Variants in CTNNA3 observed in about 807,000 individuals in gnomAD.
CTNNA3 encodes the protein catenin alpha 3.
In CTNNA3, 76 loss-of-function variants were observed where a neutral mutation model predicts 95.7. That is an observed-to-expected ratio of 0.79 (90% CI 0.66 to 0.96). The LOEUF is 0.96. Among genes scored for constraint, CTNNA3 ranks in the 40% least tolerant of loss-of-function variants. CTNNA3 has a pLI of 0.00. For missense variants in CTNNA3, 1,191 were observed against 1,089.8 expected (o/e 1.09, Z -1.31); for synonymous variants, 431 against 374.4 (o/e 1.15, Z -1.74).
chr10:66,611,760 TCCCTGACTTTC>T (rs1844337657), intron 10 of CTNNA3, among the ~76,000 whole-genome samples: 1 of 152,152 alleles, frequency 6.6e-6, no homozygotes, highest in Non-Finnish European at 1.5e-5. Flanking sequence ...CAGCCACACT[TCCCTGACTTTC>T]CTCTTACTTT....
At chr10:66,090,736 C>T (rs2081182318) in intron 14 of CTNNA3, among the ~76,000 whole-genome samples, 1 of 151,962 alleles carries the variant, frequency 6.6e-6, no homozygotes. Flanking sequence ...GATGACTTTA[C>T]ACTCAAGGAA....
intron 7 of CTNNA3, among the ~76,000 whole-genome samples, chr10:67,062,178 G>C (rs1251281214): frequency 7.4e-6 from 1 of 135,236 alleles, no homozygotes; most frequent in East Asian, 2.1e-4. Context: ...CCATTTTATA[G>C]ATAAGAACGT....
intron 16 of CTNNA3, among the ~76,000 whole-genome samples, chr10:65,973,613 C>G (rs2078153004): frequency 1.3e-5 from 2 of 152,044 alleles, no homozygotes; most frequent in African/African-American, 4.8e-5. Flanking sequence ...GTTTAATTGG[C>G]TCGTGGTTCT....
chr10:66,458,017 A>T (rs1260322052), intron 11 of CTNNA3, among the ~76,000 whole-genome samples: 1 of 152,160 alleles, frequency 6.6e-6, no homozygotes, highest in African/African-American at 2.4e-5. Context: ...TTTTACCAAA[A>T]CTTAGATCAG....
chr10:67,143,128 C>T (rs1233502443), intron 7 of CTNNA3, among the ~76,000 whole-genome samples: 1 of 151,738 alleles, frequency 6.6e-6, no homozygotes, highest in Non-Finnish European at 1.5e-5. Flanking sequence ...CATCGATTGA[C>T]TCTTTCTTTC....
At chr10:67,601,405 T>C (rs1194827531) in intron 3 of CTNNA3, among the ~76,000 whole-genome samples, 2 of 152,034 alleles carry the variant, frequency 1.3e-5, no homozygotes. Context: ...GGGCTCACAC[T>C]CCTATGAGAA....
At chr10:67,000,600 T>C (rs566750417) in intron 7 of CTNNA3, among the ~76,000 whole-genome samples, 1 of 151,238 alleles carries the variant, frequency 6.6e-6, no homozygotes, top group East Asian at 1.9e-4. Flanking sequence ...CATGAACTTA[T>C]ATAATTTACC....
intron 5 of CTNNA3, among the ~76,000 whole-genome samples, chr10:67,485,760 G>A (rs142125959): frequency 4.6e-5 from 7 of 152,260 alleles, no homozygotes; most frequent in African/African-American, 7.2e-5. Flanking sequence ...AGAGGCTAAC[G>A]GCATACCTAG....
chr10:67,418,685 G>T (rs931103246), intron 5 of CTNNA3, among the ~76,000 whole-genome samples: 2 of 152,046 alleles, frequency 1.3e-5, no homozygotes, highest in African/African-American at 2.4e-5. Flanking sequence ...TAGTTACCAG[G>T]GTCAGGGGCA....
chr10:67,137,987 T>C (rs1358209430), intron 7 of CTNNA3, among the ~76,000 whole-genome samples: 1 of 151,952 alleles, frequency 6.6e-6, no homozygotes, highest in Non-Finnish European at 1.5e-5. Flanking sequence ...ATGCACAAAA[T>C]TGTGTCCTTT....
At chr10:66,932,735 C>T (rs1027251092) in intron 7 of CTNNA3, among the ~76,000 whole-genome samples, 3 of 152,146 alleles carry the variant, frequency 2.0e-5, no homozygotes, top group Non-Finnish European at 2.9e-5. Flanking sequence ...AAAGTCACTG[C>T]TTTCCTAATC....
At chr10:66,190,167 A>T (rs192417423) in intron 13 of CTNNA3, among the ~76,000 whole-genome samples, 1 of 152,290 alleles carries the variant, frequency 6.6e-6, no homozygotes, top group East Asian at 1.9e-4. Context: ...GAATCTTGAA[A>T]TCAGTAGCAA....
At chr10:66,916,267 T>C (rs568765515) in intron 7 of CTNNA3, among the ~76,000 whole-genome samples, 1 of 152,362 alleles carries the variant, frequency 6.6e-6, no homozygotes, top group African/African-American at 2.4e-5. Context: ...GCCTATTTAT[T>C]TAATACTGTA....
intron 1 of CTNNA3, among the ~76,000 whole-genome samples, chr10:67,727,202 T>C (rs979504866): frequency 1.6e-5 from 2 of 127,680 alleles, no homozygotes; most frequent in Non-Finnish European, 3.1e-5. Flanking sequence ...TGTGTATATA[T>C]ACCTATATGT....
At chr10:67,524,245 T>C (rs911129781) in intron 4 of CTNNA3, among the ~76,000 whole-genome samples, 2 of 151,470 alleles carry the variant, frequency 1.3e-5, no homozygotes, top group African/African-American at 4.9e-5. Context: ...CTACTAAAAA[T>C]ACAAAAAATT....
intron 9 of CTNNA3, among the ~76,000 whole-genome samples, chr10:66,647,496 GT>G (rs758971829): frequency 6.9e-6 from 1 of 144,990 alleles, no homozygotes; most frequent in Non-Finnish European, 1.5e-5. Flanking sequence ...GAGATAGAGA[GT>G]TATAAAAATT....
intron 15 of CTNNA3, among the ~76,000 whole-genome samples, chr10:66,019,955 A>C (rs115674459): frequency 0.013 from 1,915 of 152,306 alleles, 32 homozygotes; most frequent in African/African-American, 0.044. Flanking sequence ...CAACTTATTT[A>C]CCTCAGAGGA....
At chr10:66,992,832 T>C (rs1851114327) in intron 7 of CTNNA3, among the ~76,000 whole-genome samples, 1 of 152,114 alleles carries the variant, frequency 6.6e-6, no homozygotes, top group Admixed American at 6.6e-5. Flanking sequence ...TTTAATGCCT[T>C]TTTAGTGATA....
chr10:67,072,101 C>T (rs1221586062), intron 7 of CTNNA3, among the ~76,000 whole-genome samples: 1 of 152,102 alleles, frequency 6.6e-6, no homozygotes, highest in African/African-American at 2.4e-5. Context: ...TACAGACATG[C>T]ACCACCAAGC....
Sources: allele counts gnomAD v4.1 joint callset (sites outside exome capture counted in the v4.1 genomes callset), GRCh38; gene constraint gnomAD v4.1.1; transcripts MANE v1.5; gene names NCBI Gene and HGNC (gene_info 2026-07-23, HGNC 2026-07-21).